The following B3GALT1 variants were observed in gnomAD, a reference collection of about 807,000 sequenced individuals.
B3GALT1 encodes beta-1,3-galactosyltransferase 1.
B3GALT1 carries 10 observed loss-of-function variants against 23.2 expected under a neutral mutation model. The observed-to-expected ratio is 0.43, with a 90% CI of 0.27 to 0.73. The LOEUF (loss-of-function observed/expected upper bound fraction) is 0.73, where lower values mean the gene tolerates loss of function less well. Ranked by LOEUF, B3GALT1 falls within the 30% of genes least tolerant of loss-of-function variation. The pLI is 0.21. For missense variants in B3GALT1, 299 were observed against 405.4 expected (o/e 0.74, Z 2.25); for synonymous variants, 156 against 141.5 (o/e 1.10, Z -0.73).
intron 4 of B3GALT1, among the ~76,000 whole-genome samples, chr2:167,825,012 A>G (rs1364864229): frequency 2.0e-5 from 3 of 152,022 alleles, no homozygotes; most frequent in Non-Finnish European, 4.4e-5. Flanking sequence ...TGCATAGAAA[A>G]CAAGCAAAAC....
chr2:167,613,807 C>T (rs1332927189), intron 2 of B3GALT1, among the ~76,000 whole-genome samples: 1 of 151,440 alleles, frequency 6.6e-6, no homozygotes, highest in African/African-American at 2.4e-5. Flanking sequence ...ATGTGGTTTG[C>T]CCCAAGAATA....
chr2:167,578,302 A>G (rs1031868424), intron 2 of B3GALT1, among the ~76,000 whole-genome samples: 2 of 151,994 alleles, frequency 1.3e-5, no homozygotes, highest in African/African-American at 4.8e-5. Flanking sequence ...AAAACTTGTT[A>G]GTGAAAAGTT....
rs190904009 is a variant in B3GALT1 at position 167,570,030 on chromosome 2, A to T, written c.-409-76879A>T. Among the ~76,000 whole-genome samples, 13 of 152,056 alleles carry T rather than the reference A, an allele frequency of 8.5e-5. No individual in the cohort carries two copies. In the East Asian group the frequency reaches 2.5e-3, roughly 29 times the overall value. On this transcript the variant is annotated intron_variant, in intron 2 of 4. Coordinates refer to ENST00000392690, the MANE Select transcript of B3GALT1 (RefSeq NM_020981.4). Reference sequence around the variant, plus strand: ...TACTGGGGATAAATCCCACTTGAACATAATGTATTCTTTACATACATTGTT... The same window carrying T: ...TACTGGGGATAAATCCCACTTGAACTTAATGTATTCTTTACATACATTGTT...
chr2:167,516,730 G>T (rs903605769), intron 2 of B3GALT1, among the ~76,000 whole-genome samples: 1 of 151,902 alleles, frequency 6.6e-6, no homozygotes, highest in African/African-American at 2.4e-5. Flanking sequence ...TTGCTGTTTT[G>T]TTGTTGTTGC....
intron 1 of B3GALT1, among the ~76,000 whole-genome samples, chr2:167,299,932 C>T (rs1344089941): frequency 1.3e-5 from 2 of 151,552 alleles, no homozygotes; most frequent in African/African-American, 4.9e-5. Context: ...GATGGAGTTT[C>T]GCTCTTATTG....
At chr2:167,531,115 A>G (rs1408695418) in intron 2 of B3GALT1, among the ~76,000 whole-genome samples, 1 of 152,224 alleles carries the variant, frequency 6.6e-6, no homozygotes, top group Middle Eastern at 3.2e-3. Flanking sequence ...AGACATCAAC[A>G]TTCACATAGC....
At chr2:167,315,851 T>C (rs1011978549) in intron 1 of B3GALT1, among the ~76,000 whole-genome samples, 5 of 152,198 alleles carry the variant, frequency 3.3e-5, no homozygotes, top group African/African-American at 1.2e-4. Flanking sequence ...TGGCTTGATA[T>C]AATAGGATAT....
intron 2 of B3GALT1, among the ~76,000 whole-genome samples, chr2:167,553,040 A>T (rs1683776915): frequency 6.6e-6 from 1 of 152,180 alleles, no homozygotes; most frequent in South Asian, 2.1e-4. Context: ...TGATTATATA[A>T]TCAAAATGTC....
At chr2:167,841,146 G>T (rs1689640578) in intron 4 of B3GALT1, among the ~76,000 whole-genome samples, 1 of 150,556 alleles carries the variant, frequency 6.6e-6, no homozygotes, top group Non-Finnish European at 1.5e-5. Flanking sequence ...TGCACATTGT[G>T]CACATGTACC....
intron 1 of B3GALT1, among the ~76,000 whole-genome samples, chr2:167,463,264 C>G (rs1218137833): frequency 6.6e-6 from 1 of 152,010 alleles, no homozygotes; most frequent in Non-Finnish European, 1.5e-5. Context: ...ACTAATATCT[C>G]CATAATGCCT....
intron 3 of B3GALT1, among the ~76,000 whole-genome samples, chr2:167,783,609 A>C (rs1688285447): frequency 6.6e-6 from 1 of 152,234 alleles, no homozygotes; most frequent in South Asian, 2.1e-4. Context: ...TTTAAGAGCA[A>C]ATAGGAAAGA....
At chr2:167,836,879 T>A (rs949728703) in intron 4 of B3GALT1, among the ~76,000 whole-genome samples, 1 of 152,124 alleles carries the variant, frequency 6.6e-6, no homozygotes, top group African/African-American at 2.4e-5. Context: ...TATTCAACAT[T>A]CTTAAAGAAA....
intron 3 of B3GALT1, chr2:167,713,938 G>T: frequency 1.3e-6 from 2 of 1,569,246 alleles, no homozygotes; most frequent in Non-Finnish European, 8.8e-7. Context: ...TCGTGAACAG[G>T]CCCCTTGTAT....
chr2:167,601,255 G>C lies in B3GALT1; in HGVS notation c.-409-45654G>C, dbSNP rs1024547968. 2.0e-5 allele frequency among the ~76,000 whole-genome samples: 3 copies of C among 151,456 alleles called. No homozygotes were observed. In the South Asian group the frequency reaches 6.3e-4, roughly 32 times the overall value. On this transcript the variant is annotated intron_variant, in intron 2 of 4. Coordinates refer to ENST00000392690, the MANE Select transcript of B3GALT1 (RefSeq NM_020981.4). ...TTGTATTTTTAATAGAGATGGGGTG[G>C]CCAGGATGGTCTCCATCTCCTGACC...
At chr2:167,310,760 G>A (rs973521213) in intron 1 of B3GALT1, among the ~76,000 whole-genome samples, 1 of 151,894 alleles carries the variant, frequency 6.6e-6, no homozygotes, top group Non-Finnish European at 1.5e-5. Flanking sequence ...GACATAAGTA[G>A]AATTGATAAC....
At chr2:167,400,471 T>G (rs1210859615) in intron 1 of B3GALT1, among the ~76,000 whole-genome samples, 1 of 152,110 alleles carries the variant, frequency 6.6e-6, no homozygotes, top group Non-Finnish European at 1.5e-5. Context: ...CCATTATGTT[T>G]TATCCATCAG....
intron 2 of B3GALT1, among the ~76,000 whole-genome samples, chr2:167,645,560 T>TTA (rs1468944510): frequency 7.4e-6 from 1 of 134,452 alleles, no homozygotes; most frequent in Admixed American, 7.6e-5. Context: ...ATAATTTTTT[T>TTA]TTTTTTTTTT....
intron 3 of B3GALT1, among the ~76,000 whole-genome samples, chr2:167,795,981 A>G (rs1034240843): frequency 1.3e-5 from 2 of 152,184 alleles, no homozygotes; most frequent in African/African-American, 4.8e-5. Context: ...TTGTGCTTTA[A>G]TGTTTGTTCA....
At position 167,774,509 on chromosome 2, in the gene B3GALT1, T is replaced by C. The variant is rs1399511655; in HGVS notation, c.-351-44163T>C. On this transcript the variant is annotated intron_variant, in intron 3 of 4. Transcript: ENST00000392690. ...TGTTTTTTTTTTTGTTTTTTTTTTT[T>C]TTTTTGGAGACAGAGTCTTGCTCTG... Among the ~76,000 whole-genome samples, 27 of 135,882 alleles carry C rather than the reference T, an allele frequency of 2.0e-4. 1 individual carries two copies. The highest frequency in any genetic ancestry group is 3.1e-5 in the Non-Finnish European group (2 of 64,356). The allele number at this position is 135,882 out of a possible 152,430, so 89.1% of individuals were successfully genotyped here. A position where few individuals can be genotyped will look rare whatever the true frequency, so the allele number is the denominator to read the frequency against.
Sources: allele counts gnomAD v4.1 joint callset (sites outside exome capture counted in the v4.1 genomes callset), GRCh38; gene constraint gnomAD v4.1.1; transcripts MANE v1.5; gene names NCBI Gene and HGNC (gene_info 2026-07-23, HGNC 2026-07-21).